Variants in FAM47E observed in about 807,000 individuals in gnomAD.
FAM47E encodes the protein family with sequence similarity 47 member E.
A neutral mutation model predicts 41.6 loss-of-function variants in FAM47E; 32 were observed. The observed-to-expected ratio is 0.77, with a 90% CI of 0.58 to 1.03. The LOEUF (loss-of-function observed/expected upper bound fraction) is 1.03. Ranked by LOEUF, FAM47E falls within the 50% of genes least tolerant of loss-of-function variation. FAM47E has a pLI of 0.00. For missense variants in FAM47E, 424 were observed against 485.4 expected, an observed-to-expected ratio of 0.87 and a Z score of 1.19; for synonymous variants, 184 against 188.7, an observed-to-expected ratio of 0.98 and a Z score of 0.20.
At chr4:76,216,067 GA>G (rs1017846727) in intron 1 of FAM47E, among the ~76,000 whole-genome samples, 10 of 152,134 alleles carry the variant, frequency 6.6e-5, no homozygotes, top group Admixed American at 2.0e-4. Context: ...GTGGGGTCCT[GA>G]ATGATTCAAC....
intron 4 of FAM47E, chr4:76,269,753 A>AC (rs1734807574): frequency 6.6e-6 from 1 of 151,336 alleles, no homozygotes; most frequent in South Asian, 2.1e-4. Flanking sequence ...ATGCCATTGC[A>AC]CTCCAGCATG....
intron 2 of FAM47E, among the ~76,000 whole-genome samples, chr4:76,258,903 A>G (rs1289347272): frequency 6.6e-6 from 1 of 152,206 alleles, no homozygotes; most frequent in Non-Finnish European, 1.5e-5. Context: ...ATAAGTGTCA[A>G]CCTGACAAGA....
chr4:76,274,410 A>C (rs1735014490), intron 5 of FAM47E, among the ~76,000 whole-genome samples: 1 of 63,640 alleles, frequency 1.6e-5, no homozygotes, highest in Non-Finnish European at 4.2e-5. Context: ...CAGTCTCTAC[A>C]AAAAAAAATT....
At chr4:76,278,265 T>C (rs1454051951) in intron 6 of FAM47E, 41 bp downstream of exon 6, 2 of 1,448,176 alleles carry the variant, frequency 1.4e-6, no homozygotes, top group Non-Finnish European at 1.8e-6. Flanking sequence ...GAGCTTCAGA[T>C]GATCACAGTG....
chr4:76,253,230 C>T (rs1362881219), intron 1 of FAM47E, among the ~76,000 whole-genome samples: 1 of 152,110 alleles, frequency 6.6e-6, no homozygotes, highest in African/African-American at 2.4e-5. Flanking sequence ...AGTCGTGTTC[C>T]TTGGTGTGGA....
intron 1 of FAM47E, chr4:76,214,447 A>G: frequency 5.2e-6 from 2 of 387,092 alleles, no homozygotes; most frequent in South Asian, 3.8e-5. Flanking sequence ...ATTGGGGGTG[A>G]AAGAGCAAAA....
rs1280979660 is a variant in FAM47E at position 76,256,361 on chromosome 4, C to T, written c.258C>T (p.Ala86=). 7 of 1,551,750 alleles carry T rather than the reference C, an allele frequency of 4.5e-6. No individual in the cohort carries two copies. The highest frequency in any genetic ancestry group is 5.2e-6 in the Non-Finnish European group (6 of 1,147,042). Residue 86 remains alanine, a synonymous_variant, in exon 2 of 8, where the codon GCC becomes GCT. Coordinates refer to ENST00000424749, the MANE Select transcript of FAM47E (RefSeq NM_001136570.3). ...TTTATCACAGAGCTCCCCAACTGGC[C>T]CCAAAGAAGAGGCAGATCAAGCTGC... ...PQIYHRAPQL[A]PKKRQIKLLK...
At chr4:76,281,969 G>A (rs919067225) in intron 7 of FAM47E, 6 of 152,174 alleles carry the variant, frequency 3.9e-5, no homozygotes, top group Non-Finnish European at 8.8e-5. Flanking sequence ...GGGTAGGTTA[G>A]TGAGAGATTT....
intron 2 of FAM47E, among the ~76,000 whole-genome samples, chr4:76,237,364 T>G (rs1363900504): frequency 2.0e-5 from 2 of 98,530 alleles, no homozygotes; most frequent in African/African-American, 7.4e-5. Context: ...TTTTTTTTTT[T>G]GTTTGTTTGT....
At chr4:76,233,009 T>C (rs1490650616) in intron 2 of FAM47E, among the ~76,000 whole-genome samples, 1 of 152,314 alleles carries the variant, frequency 6.6e-6, no homozygotes, top group Non-Finnish European at 1.5e-5. Flanking sequence ...ACCTTCAGCT[T>C]TTCCTATCTA....
intron 5 of FAM47E, among the ~76,000 whole-genome samples, chr4:76,273,766 G>A (rs1258005646): frequency 6.6e-6 from 1 of 151,940 alleles, no homozygotes; most frequent in Non-Finnish European, 1.5e-5. Flanking sequence ...TAGGCCGCTT[G>A]AAGTTGTTTT....
chr4:76,283,223 T>A (rs1360554084), intron 7 of FAM47E, 158 bp from the exon 8 acceptor site: 1 of 500,944 alleles, frequency 2.0e-6, no homozygotes, highest in African/African-American at 1.9e-5. Context: ...AAGACCAACA[T>A]CTATCATGGT....
At position 76,215,942 on chromosome 4, in the gene FAM47E, A is replaced by G. The variant is rs150563545; in HGVS notation, c.-30+1518A>G. On this transcript the variant is annotated intron_variant, in intron 1 of 7. Coordinates refer to the FAM47E transcript ENST00000510197. ...TGAGTGTTGGTGTGGTAGGTTACTC[A>G]GTAGATAACTGGAGCAGATGGTAAG... Among the ~76,000 whole-genome samples the G allele has an allele frequency of 6.3e-3, 955 of 152,304 alleles. 5 individuals carry two copies. The highest frequency in any genetic ancestry group is 0.031 in the Middle Eastern group (9 of 294).
exon 2 of FAM47E, chr4:76,217,606 C>G: frequency 1.7e-6 from 1 of 575,902 alleles, no homozygotes; most frequent in Non-Finnish European, 3.2e-6. Context: ...GGCCCTCATC[C>G]AATGCAGATG....
chr4:76,270,874 C>T (rs962769688), intron 4 of FAM47E, among the ~76,000 whole-genome samples: 2 of 152,084 alleles, frequency 1.3e-5, no homozygotes, highest in Non-Finnish European at 1.5e-5. Context: ...TTCATTATTA[C>T]GTTAGCCTCG....
chr4:76,218,441 C>T (rs1202053583), intron 2 of FAM47E, among the ~76,000 whole-genome samples: 2 of 152,220 alleles, frequency 1.3e-5, no homozygotes, highest in African/African-American at 4.8e-5. Flanking sequence ...TATTATATCA[C>T]ATGCACCTGT....
chr4:76,234,437 A>C (rs1733548351), intron 2 of FAM47E: 1 of 152,236 alleles, frequency 6.6e-6, no homozygotes, highest in Admixed American at 6.5e-5. Context: ...ACAGAATTGT[A>C]CTGGGTGAAA....
chr4:76,282,555 C>A (rs1735401212), intron 7 of FAM47E: 1 of 152,206 alleles, frequency 6.6e-6, no homozygotes, highest in Non-Finnish European at 1.5e-5. Context: ...GGCAGCCCAA[C>A]CTGGCATTGT....
Position 76,256,478 on chromosome 4 carries a change from T to C in FAM47E, c.375T>C (p.His125=). The C allele has an allele frequency of 6.4e-7, 1 of 1,551,622 alleles. No individual in the cohort carries two copies. The highest frequency in any genetic ancestry group is 1.7e-4 in the Middle Eastern group (1 of 5,992). ...LEDVEAHLTP[H]PLALYLNLEE... is the part of the protein sequence containing the mutation. ...ACGTGGAGGCCCACCTGACCCCACATCCCTTAGCGCTCTACCTGAATCTGG... is the reference window on the plus strand; with the variant it reads ...ACGTGGAGGCCCACCTGACCCCACACCCCTTAGCGCTCTACCTGAATCTGG... Residue 125 remains histidine, a synonymous_variant, in exon 2 of 8, where the codon CAT becomes CAC. Transcript: ENST00000424749.
Sources: gnomAD v4.1 joint callset for allele counts (sites outside exome capture counted in the v4.1 genomes callset) on GRCh38, gnomAD v4.1.1 for gene constraint, MANE v1.5 for transcripts, NCBI Gene and HGNC (gene_info 2026-07-23, HGNC 2026-07-21) for gene names.